The following MBTD1 variants were observed in gnomAD, a reference collection of about 807,000 sequenced individuals.
MBTD1 encodes MBT domain-containing protein 1.
A neutral mutation model predicts 87.8 loss-of-function variants in MBTD1; 24 were observed. The observed-to-expected ratio is 0.27, with a 90% CI of 0.20 to 0.38. MBTD1 has a LOEUF of 0.38. Among genes scored for constraint, MBTD1 ranks in the 10% least tolerant of loss-of-function variants. The pLI, the probability that MBTD1 is intolerant of heterozygous loss-of-function variation, is 1.00. For missense variants in MBTD1, 436 were observed against 760.2 expected, an observed-to-expected ratio of 0.57 and a Z score of 5.02; for synonymous variants, 237 against 248.6, an observed-to-expected ratio of 0.95 and a Z score of 0.44.
intron 2 of MBTD1, among the ~76,000 whole-genome samples, chr17:51,255,436 T>C (rs1204385385): frequency 1.3e-5 from 2 of 152,136 alleles, no homozygotes; most frequent in African/African-American, 4.8e-5. Context: ...AGATATAAAA[T>C]CACTGAACAA....
intron 16 of MBTD1, among the ~76,000 whole-genome samples, chr17:51,182,957 CTT>C (rs1293102634): frequency 6.6e-6 from 1 of 151,912 alleles, no homozygotes; most frequent in Non-Finnish European, 1.5e-5. Flanking sequence ...TAATTCATGT[CTT>C]TATTTTTTTA....
At chr17:51,248,217 C>A (rs185476892) in intron 2 of MBTD1, among the ~76,000 whole-genome samples, 44 of 152,274 alleles carry the variant, frequency 2.9e-4, no homozygotes, top group African/African-American at 1.0e-3. Context: ...CTTCTGTTAA[C>A]TCATTAACTT....
At chr17:51,234,160 T>C (rs146421138) in intron 2 of MBTD1, among the ~76,000 whole-genome samples, 8 of 151,862 alleles carry the variant, frequency 5.3e-5, no homozygotes, top group African/African-American at 1.9e-4. Flanking sequence ...GAGGCCGAGG[T>C]GGGTGGATCA....
In MBTD1 at chr17:51,226,676, G is replaced by A. The variant is rs559412059; in HGVS notation, c.-48-1467C>T. ...TGACAGAGTCTCGCTCTGTCACCCAGGCTGGAGTGCAGTGGTATGATCTCA... is the reference window on the plus strand; with the variant it reads ...TGACAGAGTCTCGCTCTGTCACCCAAGCTGGAGTGCAGTGGTATGATCTCA... On this transcript the variant is annotated intron_variant, in intron 2 of 16. Coordinates refer to ENST00000586178, the MANE Select transcript of MBTD1 (RefSeq NM_017643.3). 2.7e-5 allele frequency among the ~76,000 whole-genome samples: 4 copies of A among 150,572 alleles called. No individual in the cohort carries two copies. The East Asian group carries it at 8.3e-4, about 31-fold the overall frequency.
rs555960993 is a variant in MBTD1, at chr17:51,191,833, G to A, written c.1768+370C>T. ...CCTGACCTTGTGATCTGCCAGCCTCGGCCTCCTAAAGTGCTGGGATTACAG... is the reference window on the plus strand; with the variant it reads ...CCTGACCTTGTGATCTGCCAGCCTCAGCCTCCTAAAGTGCTGGGATTACAG... On this transcript the variant is annotated intron_variant, in intron 16 of 16. Coordinates refer to ENST00000586178, the MANE Select transcript of MBTD1 (RefSeq NM_017643.3). 23 of 184,072 alleles carry A rather than the reference G, an allele frequency of 1.2e-4. No individual in the cohort carries two copies. The South Asian group carries it at 1.5e-3, about 12-fold the overall frequency. 11.4% of individuals were successfully genotyped at this position (184,072 alleles called of 1,614,324 possible). A position where few individuals can be genotyped will look rare whatever the true frequency, so the allele number is the denominator to read the frequency against.
At chr17:51,246,819 TAG>T (rs1172865650) in intron 2 of MBTD1, among the ~76,000 whole-genome samples, 3 of 152,012 alleles carry the variant, frequency 2.0e-5, no homozygotes, top group Admixed American at 6.6e-5. Flanking sequence ...TTTTTATTCT[TAG>T]TAGAGACGGG....
chr17:51,252,784 T>G (rs2054867984), intron 2 of MBTD1, among the ~76,000 whole-genome samples: 1 of 151,924 alleles, frequency 6.6e-6, no homozygotes, highest in Admixed American at 6.6e-5. Context: ...CAAATCATAT[T>G]AGATGACTAA....
In MBTD1 at chr17:51,179,949, T is replaced by C. The variant is rs1416989094; in HGVS notation, c.*627A>G. 6.6e-6 allele frequency: 1 copy of C among 152,156 alleles called. No individual in the cohort carries two copies. The highest frequency in any genetic ancestry group is 1.5e-5 in the Non-Finnish European group (1 of 68,036). The allele number at this position is 152,156 out of a possible 1,614,324, so 9.4% of individuals were successfully genotyped here. On this transcript the variant is annotated 3_prime_UTR_variant, in exon 17 of 17. Transcript: ENST00000586178. ...ATAAAAGTATCCAGAGTTCTTCCAG[T>C]TTCATACAGAACTCCAAATAAATTT...
At chr17:51,258,231 A>AT (rs2144320422) in intron 2 of MBTD1, among the ~76,000 whole-genome samples, 1 of 152,312 alleles carries the variant, frequency 6.6e-6, no homozygotes, top group African/African-American at 2.4e-5. Context: ...TTTCTACATT[A>AT]TACCTGTTAT....
At chr17:51,190,396 C>T (rs117315542) in intron 16 of MBTD1, among the ~76,000 whole-genome samples, 2,805 of 151,954 alleles carry the variant, frequency 0.018, 50 homozygotes, top group South Asian at 0.052. Context: ...CATGAGCCAC[C>T]GCGTCCAGTC....
intron 16 of MBTD1, among the ~76,000 whole-genome samples, chr17:51,187,726 T>TTTAA (rs924485683): frequency 6.6e-6 from 1 of 151,976 alleles, no homozygotes; most frequent in Non-Finnish European, 1.5e-5. Flanking sequence ...GGTGCACACC[T>TTTAA]GTAATCCCAC....
chr17:51,260,362 C>T (rs867726598), upstream of MBTD1, among the ~76,000 whole-genome samples: 8 of 152,252 alleles, frequency 5.3e-5, no homozygotes, highest in Admixed American at 4.6e-4. Flanking sequence ...GCCGCTTCCC[C>T]CTACACCCGG....
chr17:51,210,559 C>T (rs144240400), intron 6 of MBTD1, among the ~76,000 whole-genome samples: 1 of 151,914 alleles, frequency 6.6e-6, no homozygotes, highest in African/African-American at 2.4e-5. Flanking sequence ...AGTTCAAGAG[C>T]AGCCTGGCCA....
At chr17:51,228,000 G>T (rs2053328060) in intron 2 of MBTD1, among the ~76,000 whole-genome samples, 1 of 151,396 alleles carries the variant, frequency 6.6e-6, no homozygotes, top group Non-Finnish European at 1.5e-5. Flanking sequence ...TTTTAAGATG[G>T]CAAATATTTC....
chr17:51,239,917 C>T (rs1004549995), intron 2 of MBTD1, among the ~76,000 whole-genome samples: 9 of 152,156 alleles, frequency 5.9e-5, no homozygotes, highest in African/African-American at 1.2e-4. Context: ...ATCTACCATC[C>T]GTCCTCCAGT....
At chr17:51,205,383 A>G (rs2051759946) in intron 7 of MBTD1, among the ~76,000 whole-genome samples, 1 of 152,254 alleles carries the variant, frequency 6.6e-6, no homozygotes, top group Non-Finnish European at 1.5e-5. Flanking sequence ...AGGCAGAAGT[A>G]ATTTTTGGAT....
At chr17:51,220,789 T>C (rs1279819848) in intron 3 of MBTD1, among the ~76,000 whole-genome samples, 1 of 152,170 alleles carries the variant, frequency 6.6e-6, no homozygotes, top group African/African-American at 2.4e-5. Context: ...GGCATTTTCA[T>C]ATACAACAAA....
chr17:51,237,944 G>A (rs182531000), intron 2 of MBTD1, among the ~76,000 whole-genome samples: 1 of 152,126 alleles, frequency 6.6e-6, no homozygotes, highest in East Asian at 1.9e-4. Context: ...TTTGCTTCTT[G>A]GTAACAAAAA....
At chr17:51,193,829 C>A (rs1201134640) in intron 13 of MBTD1, among the ~76,000 whole-genome samples, 1 of 152,138 alleles carries the variant, frequency 6.6e-6, no homozygotes, top group East Asian at 1.9e-4. Flanking sequence ...CTATGTTGCC[C>A]GGGTTGTTCT....
Sources: allele counts gnomAD v4.1 joint callset (sites outside exome capture counted in the v4.1 genomes callset), GRCh38; gene constraint gnomAD v4.1.1; transcripts MANE v1.5; gene names NCBI Gene and HGNC (gene_info 2026-07-23, HGNC 2026-07-21).